The following OCRL variants were observed in gnomAD, a reference collection of about 807,000 sequenced individuals.
The protein encoded by OCRL is inositol polyphosphate 5-phosphatase OCRL.
In OCRL, 8 loss-of-function variants were observed where a neutral mutation model predicts 78.9. That is an observed-to-expected ratio of 0.10 (90% confidence interval 0.06 to 0.18). OCRL has a LOEUF of 0.18. Among genes scored for constraint, OCRL ranks in the 10% least tolerant of loss-of-function variants. The pLI, the probability that OCRL is intolerant of heterozygous loss-of-function variation, is 1.00. For missense variants in OCRL, 454 were observed against 696.7 expected (o/e 0.65, Z 3.92); for synonymous variants, 240 against 235.4 (o/e 1.02, Z -0.18).
At chrX:129,552,452 C>CTCGG (rs923548077) in intron 4 of OCRL, among the ~76,000 whole-genome samples, 2 of 111,381 alleles carry the variant, frequency 1.8e-5, no homozygotes, top group African/African-American at 6.5e-5. Flanking sequence ...GAGATGGAGC[C>CTCGG]TCGGTCTTAT....
rs1602782277 is a variant in OCRL, at chrX:129,559,144, T to C, written c.722+143T>C. The stretch of plus-strand genomic sequence containing the variant: ...TGCCTGTTTCAAGCTCCTGTCTCTA[T>C]GCTGGCCAATAACATGCATATCAGA... On this transcript the variant is annotated intron_variant, in intron 8 of 23. Transcript: ENST00000371113. 4 of 531,313 alleles carry C rather than the reference T, an allele frequency of 7.5e-6. No individual in the cohort carries two copies. In the Admixed American group the frequency reaches 1.5e-4, roughly 20 times the overall value. 43.8% of individuals were successfully genotyped at this position (531,313 alleles called of 1,213,427 possible).
chrX:129,543,696 A>G (rs993438665), intron 2 of OCRL, among the ~76,000 whole-genome samples: 2 of 113,152 alleles, frequency 1.8e-5, no homozygotes, highest in African/African-American at 6.4e-5. Flanking sequence ...TCCTCTTCAA[A>G]GTTAACACAT....
chrX:129,551,407 A>C (rs1291913737), intron 4 of OCRL, among the ~76,000 whole-genome samples: 4 of 112,239 alleles, frequency 3.6e-5, no homozygotes, highest in Non-Finnish European at 7.5e-5. Flanking sequence ...ACAGACTTTA[A>C]ACTGATAAGA....
Position 129,565,880 on chromosome X carries a change from C to T in OCRL, c.1353C>T (p.Asp451=). ...ACCTTCAGAGACTCTTGAAATTCGA[C>T]CAGGTAAGTAAAGTTTCATTTTATA... ...KKDLQRLLKF[D]QLNIQRTQKK... The change falls in exon 13 of 24, where the codon GAC becomes GAT. Residue 451 remains aspartate (D), a synonymous_variant. Transcript: ENST00000371113. The T allele has an allele frequency of 2.6e-6, 3 of 1,159,913 alleles. No individual in the cohort carries two copies. The highest frequency in any genetic ancestry group is 3.5e-6 in the Non-Finnish European group (3 of 849,177).
rs761792348 is a variant in OCRL, at chrX:129,558,866, A to C, written c.587A>C (p.Asn196Thr). Residue 196 changes from asparagine to threonine, a missense_variant, in exon 8 of 24, where the codon AAC becomes ACC. By Grantham distance (65) the Asn-to-Thr change is moderately conservative. Coordinates refer to ENST00000371113, the MANE Select transcript of OCRL (RefSeq NM_000276.4). The part of the protein sequence containing the change: ...KMLPREKEAS[N>T]KEQPKVTNTM... Reference sequence around the variant, plus strand: ...CTTCCACGTGAAAAAGAAGCTTCTAACAAGGAGCAGCCCAAAGTGACCAAC... The same window carrying C: ...CTTCCACGTGAAAAAGAAGCTTCTACCAAGGAGCAGCCCAAAGTGACCAAC... 8.2e-7 allele frequency: 1 copy of C among 1,212,209 alleles called. No individual in the cohort carries two copies.
At position 129,567,383 on chromosome X, in the gene OCRL, C is replaced by T; in HGVS notation, c.1466+20C>T. 9.5e-7 allele frequency: 1 copy of T among 1,052,905 alleles called. No individual in the cohort carries two copies. Among genetic ancestry groups the T allele is most frequent in the Non-Finnish European group, 1.3e-6 (1 of 751,308 alleles). The allele number at this position is 1,052,905 out of a possible 1,213,427, so 86.8% of individuals were successfully genotyped here. On this transcript the variant is annotated intron_variant, in intron 14 of 23. Transcript: ENST00000371113. Reference sequence around the variant, plus strand: ...TTCCAGGTAAAGTAATAAGAACCTTCTCACAGAGAAGGTTAAGGCTTGATC... The same window carrying T: ...TTCCAGGTAAAGTAATAAGAACCTTTTCACAGAGAAGGTTAAGGCTTGATC...
intron 4 of OCRL, among the ~76,000 whole-genome samples, chrX:129,555,212 C>T (rs188815962): frequency 1.1e-3 from 115 of 108,558 alleles, no homozygotes; most frequent in Admixed American, 2.5e-3. Flanking sequence ...CACAGTGGCT[C>T]ATGCCTGTAA....
chrX:129,583,158 G>A (rs1374784048), intron 18 of OCRL, among the ~76,000 whole-genome samples: 5 of 111,568 alleles, frequency 4.5e-5, no homozygotes, highest in Admixed American at 2.9e-4. Flanking sequence ...ATGAAGTTTG[G>A]TAACTTGTGT....
chrX:129,540,379 G>A lies in OCRL; in HGVS notation c.-61G>A. 1 of 1,110,034 alleles carries A rather than the reference G, an allele frequency of 9.0e-7. No individual in the cohort carries two copies. The highest frequency in any genetic ancestry group is 1.9e-5 in the South Asian group (1 of 51,600). 91.5% of individuals were successfully genotyped at this position (1,110,034 alleles called of 1,213,427 possible). Reference sequence around the variant, plus strand: ...GAGGTGGGTGGGTGTGGGGACGCGGGAGCCAGTGTCGTCGGATCGGCCCGC... The same window carrying A: ...GAGGTGGGTGGGTGTGGGGACGCGGAAGCCAGTGTCGTCGGATCGGCCCGC... On this transcript the variant is annotated 5_prime_UTR_variant, in exon 1 of 24. Transcript: ENST00000371113.
chrX:129,584,676 T>A (rs1936487369), intron 19 of OCRL, among the ~76,000 whole-genome samples: 1 of 111,946 alleles, frequency 8.9e-6, no homozygotes, highest in African/African-American at 3.2e-5. Context: ...TGGAGGGGGG[T>A]ACCAGTTAGC....
chrX:129,542,970 G>T (rs761633738), intron 2 of OCRL, among the ~76,000 whole-genome samples: 16 of 111,259 alleles, frequency 1.4e-4, no homozygotes, highest in Non-Finnish European at 1.9e-4. Flanking sequence ...GGGTTTTTTT[G>T]GAAACAGGGA....
chrX:129,540,661 G>A lies in OCRL; in HGVS notation c.40-83G>A, dbSNP rs1463881490. The A allele has an allele frequency of 4.2e-5, 34 of 817,275 alleles. No homozygotes were observed. In the African/African-American group the frequency reaches 6.2e-4, roughly 15 times the overall value. The allele number at this position is 817,275 out of a possible 1,213,427, so 67.4% of individuals were successfully genotyped here. A position where few individuals can be genotyped will look rare whatever the true frequency, so the allele number is the denominator to read the frequency against. ...GGCGGGGGAGGGCGGCGGTGGGGGG[G>A]GGGTGGAAGACCCCCTTCGCCCCGC... On this transcript the variant is annotated intron_variant, in intron 1 of 23. Coordinates refer to ENST00000371113, the MANE Select transcript of OCRL (RefSeq NM_000276.4).
intron 1 of OCRL, 126 bp from the exon 2 acceptor site, chrX:129,540,618 C>T (rs945334437): frequency 7.0e-6 from 4 of 573,314 alleles, no homozygotes; most frequent in Non-Finnish European, 1.0e-5. Context: ...GCGCGGGAGA[C>T]GAAGCAGGGC....
intron 3 of OCRL, among the ~76,000 whole-genome samples, chrX:129,547,353 G>A (rs987119662): frequency 1.8e-5 from 2 of 108,864 alleles, no homozygotes; most frequent in African/African-American, 6.7e-5. Context: ...ATGAAACCCC[G>A]TCTCTACTAA....
intron 2 of OCRL, among the ~76,000 whole-genome samples, chrX:129,544,554 C>T (rs1935852265): frequency 8.9e-6 from 1 of 111,896 alleles, no homozygotes; most frequent in African/African-American, 3.2e-5. Context: ...ATTCCACACA[C>T]ACGAGCAACT....
intron 13 of OCRL, among the ~76,000 whole-genome samples, chrX:129,566,523 T>C (rs1197035971): frequency 8.9e-6 from 1 of 112,794 alleles, no homozygotes; most frequent in Non-Finnish European, 1.9e-5. Flanking sequence ...GAACCTGGCA[T>C]GTGACTTGAA....
chrX:129,565,655 G>A (rs1936207613), intron 12 of OCRL, 117 bp from the exon 13 acceptor site: 7 of 562,067 alleles, frequency 1.2e-5, no homozygotes, highest in Non-Finnish European at 2.2e-5. Flanking sequence ...TAAACCCCTT[G>A]TGAGATAGTG....
Position 129,572,282 on chromosome X carries a change from T to C in OCRL, c.1603-2858T>C, listed in dbSNP as rs147307815. On this transcript the variant is annotated intron_variant, in intron 15 of 23. Transcript: ENST00000371113. ...TTTTTTTTTTTAACTCAGCAGTGTGTCTTGGAGAACCTCCCATCTTATTAC... is the reference window on the plus strand; with the variant it reads ...TTTTTTTTTTTAACTCAGCAGTGTGCCTTGGAGAACCTCCCATCTTATTAC... Among the ~76,000 whole-genome samples the C allele has an allele frequency of 6.6e-3, 735 of 111,764 alleles. 3 individuals carry two copies. Among genetic ancestry groups the C allele is most frequent in the Non-Finnish European group, 0.011 (589 of 53,174 alleles).
intron 4 of OCRL, chrX:129,554,249 G>A (rs1936007031): frequency 9.0e-6 from 1 of 110,953 alleles, no homozygotes. Flanking sequence ...TTATGAAGTG[G>A]TGGTGTTTCT....
Sources: gnomAD v4.1 joint callset for allele counts (sites outside exome capture counted in the v4.1 genomes callset) on GRCh38, gnomAD v4.1.1 for gene constraint, MANE v1.5 for transcripts, NCBI Gene and HGNC (gene_info 2026-07-23, HGNC 2026-07-21) for gene names.